Variants in SLK observed in about 807,000 individuals in gnomAD.
SLK encodes STE20 like kinase, also known as STE20-like serine/threonine-protein kinase.
A neutral mutation model predicts 147.7 loss-of-function variants in SLK; 67 were observed. That is an observed-to-expected ratio of 0.45 (90% CI 0.37 to 0.56). SLK has a LOEUF of 0.56. Among genes scored for constraint, SLK ranks in the 20% least tolerant of loss-of-function variants. The pLI, the probability that SLK is intolerant of heterozygous loss-of-function variation, is 0.00. For synonymous variants in SLK, 441 were observed against 475.0 expected, an observed-to-expected ratio of 0.93 and a Z score of 0.93; for missense variants, 1,136 against 1,438.8, an observed-to-expected ratio of 0.79 and a Z score of 3.41.
chr10:103,985,801 C>T (rs1260143579), intron 1 of SLK, among the ~76,000 whole-genome samples: 1 of 151,978 alleles, frequency 6.6e-6, no homozygotes, highest in Admixed American at 6.6e-5. Context: ...AAAATTATTC[C>T]TGTACTCACC....
Position 104,027,255 on chromosome 10 carries a change from A to G in SLK, c.*1535A>G, listed in dbSNP as rs1844610380. On this transcript the variant is annotated 3_prime_UTR_variant, in exon 19 of 19. Transcript: ENST00000369755. ...TGAACCTTGTTTGTCAGTGATTTAG[A>G]TGATTTAAAAATGCATGTGTGATTT... 1 of 152,634 alleles carries G rather than the reference A, an allele frequency of 6.6e-6. No homozygotes were observed. The highest frequency in any genetic ancestry group is 1.5e-5 in the Non-Finnish European group (1 of 68,050). 9.5% of individuals were successfully genotyped at this position (152,634 alleles called of 1,614,324 possible).
intron 9 of SLK, among the ~76,000 whole-genome samples, chr10:104,004,288 T>A (rs1163550266): frequency 6.6e-6 from 1 of 152,198 alleles, no homozygotes; most frequent in African/African-American, 2.4e-5. Context: ...AGGATTTTCT[T>A]ACATGTATTC....
intron 1 of SLK, among the ~76,000 whole-genome samples, chr10:103,981,944 G>A (rs1843950872): frequency 6.6e-6 from 1 of 151,930 alleles, no homozygotes; most frequent in Admixed American, 6.6e-5. Context: ...ACAATATTAG[G>A]CCTCCAATAT....
chr10:104,010,735 C>G (rs1844388565), intron 12 of SLK, 81 bp from the exon 13 acceptor site: 5 of 826,114 alleles, frequency 6.1e-6, no homozygotes, highest in Non-Finnish European at 7.2e-6. Context: ...TAATATTTGA[C>G]TTGTAGCTTA....
intron 1 of SLK, among the ~76,000 whole-genome samples, chr10:103,968,165 A>G (rs1843744216): frequency 1.3e-5 from 2 of 152,182 alleles, no homozygotes; most frequent in Admixed American, 6.5e-5. Flanking sequence ...AGGAAATGAG[A>G]GTGTTCTTTA....
Position 104,003,537 on chromosome 10 carries a change from C to T in SLK, c.2349+10C>T. 1.3e-6 allele frequency: 2 copies of T among 1,527,012 alleles called. No homozygotes were observed. Among genetic ancestry groups the T allele is most frequent in the South Asian group, 2.6e-5 (2 of 76,454 alleles). The allele number at this position is 1,527,012 out of a possible 1,614,324, so 94.6% of individuals were successfully genotyped here. ...ATCGATATCTTTACAAGTAAGTGTA[C>T]ATGAGTCATTGTTTGGGTTTTCCTT... On this transcript the variant is annotated intron_variant, in intron 9 of 18. Transcript: ENST00000369755.
At chr10:103,983,181 A>G (rs1353059734) in intron 1 of SLK, among the ~76,000 whole-genome samples, 1 of 152,194 alleles carries the variant, frequency 6.6e-6, no homozygotes, top group East Asian at 1.9e-4. Flanking sequence ...CTAAATGATG[A>G]TGAATGATTT....
intron 4 of SLK, among the ~76,000 whole-genome samples, chr10:103,997,609 A>G (rs1844192395): frequency 6.6e-6 from 1 of 151,474 alleles, no homozygotes; most frequent in Non-Finnish European, 1.5e-5. Flanking sequence ...TGCTACATCC[A>G]TCCTACTGGG....
intron 4 of SLK, among the ~76,000 whole-genome samples, chr10:103,996,580 C>T (rs552193812): frequency 1.3e-4 from 19 of 151,602 alleles, no homozygotes; most frequent in East Asian, 1.9e-4. Flanking sequence ...TTGTATTTTT[C>T]GTAGAGACGG....
chr10:104,023,944 A>T (rs1844566250), intron 18 of SLK, among the ~76,000 whole-genome samples: 1 of 152,176 alleles, frequency 6.6e-6, no homozygotes, highest in South Asian at 2.1e-4. Flanking sequence ...AACCAAACTC[A>T]GCATCCTTTT....
Position 103,967,702 on chromosome 10 carries a change from G to C in SLK, c.-44G>C, listed in dbSNP as rs373111447. 1.1e-5 allele frequency: 18 copies of C among 1,594,036 alleles called. No homozygotes were observed. The African/African-American group carries it at 2.4e-4, about 22-fold the overall frequency. On this transcript the variant is annotated 5_prime_UTR_variant, in exon 1 of 19. Transcript: ENST00000369755. ...GGGAAGAGAAACTTTGCCTTTTATT[G>C]TTTTTAGTCCTTAAGTGCAAGGAAC... is the stretch of plus-strand genomic sequence containing the variant.
intron 1 of SLK, among the ~76,000 whole-genome samples, chr10:103,983,465 A>G (rs1458305819): frequency 6.6e-6 from 1 of 152,166 alleles, no homozygotes; most frequent in African/African-American, 2.4e-5. Context: ...CTCAGTTCCA[A>G]ATACGCCCTT....
At chr10:103,989,478 T>G (rs1425603388) in intron 1 of SLK, among the ~76,000 whole-genome samples, 1 of 143,486 alleles carries the variant, frequency 7.0e-6, no homozygotes, top group Non-Finnish European at 1.5e-5. Context: ...TTTTTTTTTT[T>G]TTTTTTTGGA....
At position 103,986,432 on chromosome 10, in the gene SLK, G is replaced by A. The variant is rs1844014179; in HGVS notation, c.151-4243G>A. 2.0e-5 allele frequency among the ~76,000 whole-genome samples: 3 copies of A among 152,282 alleles called. No individual in the cohort carries two copies. The South Asian group carries it at 6.2e-4, about 32-fold the overall frequency. Reference sequence around the variant, plus strand: ...AATAGGGTTCACAGTTCACGATAGAGTTCATGCTCCTCTGAGAAGCTAATG... The same window carrying A: ...AATAGGGTTCACAGTTCACGATAGAATTCATGCTCCTCTGAGAAGCTAATG... On this transcript the variant is annotated intron_variant, in intron 1 of 18. Transcript: ENST00000369755.
intron 1 of SLK, among the ~76,000 whole-genome samples, chr10:103,984,612 G>A (rs888629839): frequency 1.3e-5 from 2 of 152,012 alleles, no homozygotes; most frequent in East Asian, 1.9e-4. Flanking sequence ...ACAGTATTTC[G>A]CCATTTGTCC....
rs1339030783 is a variant in SLK, at chr10:103,967,736, G to A, written c.-10G>A. ...CCTTAAGTGCAAGGAACTCTGTGTT[G>A]GGAGGAAAAATGTCCTTCTTCAATT... On this transcript the variant is annotated 5_prime_UTR_variant, in exon 1 of 19. Transcript: ENST00000369755. 5.0e-6 allele frequency: 8 copies of A among 1,613,690 alleles called. No homozygotes were observed.
intron 18 of SLK, among the ~76,000 whole-genome samples, chr10:104,025,300 TCC>T (rs1232353212): frequency 2.0e-5 from 3 of 152,300 alleles, no homozygotes; most frequent in Non-Finnish European, 2.9e-5. Flanking sequence ...TAGCAAATTA[TCC>T]CTATTTTTAC....
chr10:104,020,652 C>A, intron 17 of SLK, 39 bp downstream of exon 17: 1 of 1,586,202 alleles, frequency 6.3e-7, no homozygotes, highest in Non-Finnish European at 8.6e-7. Context: ...CCATAGGATG[C>A]GGCAGCACAA....
At chr10:103,972,590 T>G (rs766239213) in intron 1 of SLK, among the ~76,000 whole-genome samples, 29 of 150,902 alleles carry the variant, frequency 1.9e-4, no homozygotes, top group Non-Finnish European at 3.4e-4. Context: ...GAGAATGGCG[T>G]GAACCCGGGA....
Sources: allele counts gnomAD v4.1 joint callset (sites outside exome capture counted in the v4.1 genomes callset), GRCh38; gene constraint gnomAD v4.1.1; transcripts MANE v1.5; gene names NCBI Gene and HGNC (gene_info 2026-07-23, HGNC 2026-07-21).